The following ARHGAP20 variants were observed in gnomAD, a reference collection of about 807,000 sequenced individuals.
The protein encoded by ARHGAP20 is rho GTPase-activating protein 20.
A neutral mutation model predicts 73.7 loss-of-function variants in ARHGAP20; 34 were observed. That is an observed-to-expected ratio of 0.46 (90% confidence interval 0.35 to 0.61). The LOEUF (loss-of-function observed/expected upper bound fraction) is 0.61. ARHGAP20 is among the 20% of genes least tolerant of loss of function. ARHGAP20 has a pLI of 0.00. For synonymous variants in ARHGAP20, 523 were observed against 518.2 expected (o/e 1.01, Z -0.13); for missense variants, 1,314 against 1,420.9 (o/e 0.92, Z 1.21).
chr11:110,593,802 A>G (rs779228052), intron 9 of ARHGAP20, among the ~76,000 whole-genome samples: 2 of 152,222 alleles, frequency 1.3e-5, no homozygotes, highest in Non-Finnish European at 2.9e-5. Context: ...GATTCAAAAG[A>G]GCTTGCAATT....
chr11:110,646,728 A>T (rs1348550588), intron 2 of ARHGAP20, among the ~76,000 whole-genome samples: 3 of 152,128 alleles, frequency 2.0e-5, no homozygotes, highest in African/African-American at 7.2e-5. Context: ...TAATTTATTC[A>T]GTCACTTACA....
rs139449100 is a variant in ARHGAP20, at chr11:110,579,949, G to A, written c.2997C>T (p.Ser999=). 2.9e-3 allele frequency: 4,657 copies of A among 1,614,196 alleles called. 17 individuals are homozygous for A. The highest frequency in any genetic ancestry group is 4.0e-3 in the Admixed American group (238 of 60,028). The change falls in exon 15 of 15, where the codon TCC becomes TCT. Residue 999 remains serine, a synonymous_variant. Transcript: ENST00000683387. The part of the protein sequence containing the change: ...SPDFSNASHV[S]GMPGPSSGQA... ...GCCCTGATGAGGGACCGGGCATTCC[G>A]GAAACATGGCTGGCATTGCTAAAGT...
intron 9 of ARHGAP20, among the ~76,000 whole-genome samples, chr11:110,594,993 G>A (rs1044826877): frequency 2.7e-5 from 4 of 150,872 alleles, no homozygotes; most frequent in African/African-American, 4.9e-5. Flanking sequence ...TTCAACATAC[G>A]CAAATCAATA....
At chr11:110,706,251 A>G (rs1376433401) in intron 1 of ARHGAP20, among the ~76,000 whole-genome samples, 1 of 152,142 alleles carries the variant, frequency 6.6e-6, no homozygotes, top group African/African-American at 2.4e-5. Context: ...CGTTGAAAAG[A>G]GAAATGGAGT....
At chr11:110,693,387 T>A (rs1242695764) in intron 1 of ARHGAP20, among the ~76,000 whole-genome samples, 1 of 151,954 alleles carries the variant, frequency 6.6e-6, no homozygotes, top group Non-Finnish European at 1.5e-5. Flanking sequence ...AATGAGACAG[T>A]TTGGACTACA....
intron 2 of ARHGAP20, among the ~76,000 whole-genome samples, chr11:110,669,500 A>G (rs902033985): frequency 3.3e-5 from 5 of 152,100 alleles, no homozygotes; most frequent in African/African-American, 1.2e-4. Context: ...CAAAATGAGG[A>G]GATGTGAACT....
intron 4 of ARHGAP20, 24 bp downstream of exon 4, chr11:110,624,138 T>G: frequency 6.2e-7 from 1 of 1,601,830 alleles, no homozygotes. Context: ...CCCAGGTAAA[T>G]AGAGGACAAG....
chr11:110,705,373 G>C (rs1950534298), intron 1 of ARHGAP20, among the ~76,000 whole-genome samples: 1 of 152,108 alleles, frequency 6.6e-6, no homozygotes, highest in South Asian at 2.1e-4. Flanking sequence ...CATAGAGGGT[G>C]ATAAATTGCT....
intron 2 of ARHGAP20, among the ~76,000 whole-genome samples, chr11:110,684,546 A>C (rs1453016517): frequency 6.6e-6 from 1 of 152,176 alleles, no homozygotes; most frequent in Non-Finnish European, 1.5e-5. Context: ...AATACAATTC[A>C]ACCCAGCAAT....
chr11:110,641,071 T>C (rs1355053983), intron 2 of ARHGAP20, among the ~76,000 whole-genome samples: 4 of 151,976 alleles, frequency 2.6e-5, no homozygotes, highest in African/African-American at 7.2e-5. Flanking sequence ...GAGCAAGGGC[T>C]TAAAAGCAAG....
intron 2 of ARHGAP20, among the ~76,000 whole-genome samples, chr11:110,684,033 C>A (rs1273689694): frequency 6.6e-6 from 1 of 152,142 alleles, no homozygotes; most frequent in Non-Finnish European, 1.5e-5. Flanking sequence ...CAGCCTTCAC[C>A]ACGCATGAAA....
At position 110,577,609 on chromosome 11, in the gene ARHGAP20, A is replaced by G; in HGVS notation, c.*1761T>C. Reference sequence around the variant, plus strand: ...CCTGCTGACTTTATATATTATACCAAAAAAGATGCATATGGACACTTAGAA... The same window carrying G: ...CCTGCTGACTTTATATATTATACCAGAAAAGATGCATATGGACACTTAGAA... On this transcript the variant is annotated 3_prime_UTR_variant, in exon 15 of 15. Coordinates refer to ENST00000683387, the MANE Select transcript of ARHGAP20 (RefSeq NM_001384657.1). 4 of 986,330 alleles carry G rather than the reference A, an allele frequency of 4.1e-6. No homozygotes were observed. The highest frequency in any genetic ancestry group is 4.8e-6 in the Non-Finnish European group (4 of 830,268). 61.1% of individuals were successfully genotyped at this position (986,330 alleles called of 1,614,324 possible).
chr11:110,712,339 G>T lies in ARHGAP20; in HGVS notation c.-108C>A. 1 of 935,204 alleles carries T rather than the reference G, an allele frequency of 1.1e-6. No homozygotes were observed. The highest frequency in any genetic ancestry group is 1.4e-6 in the Non-Finnish European group (1 of 706,932). 57.9% of individuals were successfully genotyped at this position (935,204 alleles called of 1,614,324 possible). A position where few individuals can be genotyped will look rare whatever the true frequency, so the allele number is the denominator to read the frequency against. On this transcript the variant is annotated 5_prime_UTR_variant, in exon 1 of 15. Transcript: ENST00000683387. ...GCGCGGGCGGAGGCGCGGCTGCCGTGCTCAGGCAGGGAGCCGAGCTCCGGG... is the reference window on the plus strand; with the variant it reads ...GCGCGGGCGGAGGCGCGGCTGCCGTTCTCAGGCAGGGAGCCGAGCTCCGGG...
chr11:110,702,678 T>C (rs1458530356), intron 1 of ARHGAP20, among the ~76,000 whole-genome samples: 1 of 152,160 alleles, frequency 6.6e-6, no homozygotes, highest in Non-Finnish European at 1.5e-5. Flanking sequence ...GATAAGCAAC[T>C]TCAGCAGTCT....
intron 2 of ARHGAP20, among the ~76,000 whole-genome samples, chr11:110,685,883 T>C (rs1950122998): frequency 6.6e-6 from 1 of 152,134 alleles, no homozygotes; most frequent in Non-Finnish European, 1.5e-5. Flanking sequence ...TCTTTTGCAG[T>C]CTAGTTCTCA....
chr11:110,671,774 A>G (rs1949832941), intron 2 of ARHGAP20, among the ~76,000 whole-genome samples: 1 of 152,138 alleles, frequency 6.6e-6, no homozygotes, highest in Non-Finnish European at 1.5e-5. Flanking sequence ...AGATATTATA[A>G]TATCAGTAAG....
chr11:110,678,736 A>T (rs1454446108), intron 2 of ARHGAP20, among the ~76,000 whole-genome samples: 3 of 152,154 alleles, frequency 2.0e-5, no homozygotes, highest in Admixed American at 2.0e-4. Flanking sequence ...ATCACGGCTC[A>T]CTGCGCCTCA....
At chr11:110,598,379 A>G (rs1229665352) in intron 9 of ARHGAP20, among the ~76,000 whole-genome samples, 2 of 152,212 alleles carry the variant, frequency 1.3e-5, no homozygotes, top group East Asian at 1.9e-4. Context: ...ACTTCAGACT[A>G]CACTCAGAAA....
chr11:110,662,480 T>C (rs948580996), intron 2 of ARHGAP20, among the ~76,000 whole-genome samples: 6 of 151,930 alleles, frequency 3.9e-5, no homozygotes, highest in African/African-American at 1.4e-4. Context: ...TAAAGATAGT[T>C]GCCAAAACAA....
Sources: allele counts gnomAD v4.1 joint callset (sites outside exome capture counted in the v4.1 genomes callset), GRCh38; gene constraint gnomAD v4.1.1; transcripts MANE v1.5; gene names NCBI Gene and HGNC (gene_info 2026-07-23, HGNC 2026-07-21).